The following LETMD1 variants were observed in gnomAD, a reference collection of about 807,000 sequenced individuals.
LETMD1 encodes the protein LETM1 domain containing 1, also known as LETM1 domain-containing protein 1.
LETMD1 carries 30 observed loss-of-function variants against 43.9 expected under a neutral mutation model. That is an observed-to-expected ratio of 0.68 (90% CI 0.51 to 0.93). The LOEUF is 0.93. LETMD1 is among the 40% of genes least tolerant of loss of function. LETMD1 has a pLI of 0.00. For missense variants in LETMD1, 413 were observed against 447.7 expected (o/e 0.92, Z 0.70); for synonymous variants, 176 against 163.1 (o/e 1.08, Z -0.60).
chr12:51,048,694 G>A (rs1191417819), intron 1 of LETMD1: 8 of 634,612 alleles, frequency 1.3e-5, no homozygotes. Flanking sequence ...TTCCCCGCGT[G>A]TCCTGAGCTC....
rs1285483452 is a variant in LETMD1 at position 51,060,355 on chromosome 12, T to A, written c.*924T>A. The stretch of plus-strand genomic sequence containing the variant: ...AGTGACTTAGAGTTCTGTAATAACT[T>A]ATTGTAAATGCATGAAGCACTGTTT... On this transcript the variant is annotated 3_prime_UTR_variant, in exon 9 of 9. Transcript: ENST00000262055. The A allele has an allele frequency of 6.6e-6, 1 of 152,422 alleles. No individual in the cohort carries two copies. Among genetic ancestry groups the A allele is most frequent in the Non-Finnish European group, 1.5e-5 (1 of 68,052 alleles). The allele number at this position is 152,422 out of a possible 1,614,324, so 9.4% of individuals were successfully genotyped here. A position where few individuals can be genotyped will look rare whatever the true frequency, so the allele number is the denominator to read the frequency against.
the LETMD1 span, among the ~76,000 whole-genome samples, chr12:51,065,759 A>AGGG: frequency 6.6e-6 from 1 of 152,274 alleles, no homozygotes; most frequent in Admixed American, 6.5e-5. Context: ...TGCCAGGCCC[A>AGGG]GCTGCATCAA....
downstream of LETMD1, chr12:51,062,261 C>G (rs1215779712): frequency 2.0e-5 from 3 of 152,166 alleles, no homozygotes; most frequent in South Asian, 4.1e-4. Flanking sequence ...GTGTCTCCCC[C>G]CCAACACAGT....
chr12:51,064,540 T>TCTCCAG (rs771401904), downstream of LETMD1: 2 of 1,613,344 alleles, frequency 1.2e-6, no homozygotes, highest in South Asian at 2.2e-5. Context: ...TGCCGCTTGC[T>TCTCCAG]CTCCAGCTCC....
chr12:51,050,219 C>G (rs1308549617), intron 2 of LETMD1, among the ~76,000 whole-genome samples: 2 of 144,930 alleles, frequency 1.4e-5, no homozygotes, highest in African/African-American at 5.1e-5. Context: ...TGTTTTTAAA[C>G]TTTTTATTAT....
intron 4 of LETMD1, 45 bp downstream of exon 4, chr12:51,053,905 A>T: frequency 1.6e-6 from 2 of 1,264,622 alleles, no homozygotes; most frequent in East Asian, 2.3e-5. Context: ...AGATGTATCA[A>T]TTTTTTTAAA....
rs1293550675 is a variant in LETMD1, at chr12:51,055,880, A to G, written c.519A>G (p.Pro173=). 6.2e-7 allele frequency: 1 copy of G among 1,613,832 alleles called. No homozygotes were observed. The part of the protein sequence containing the change: ...RQLLIRHFWT[P]KQQTDFLDIY... Reference sequence around the variant, plus strand: ...TACTGATCAGGCATTTCTGGACCCCAAAACAACAAACTGATTTCTTAGATA... The same window carrying G: ...TACTGATCAGGCATTTCTGGACCCCGAAACAACAAACTGATTTCTTAGATA... The change falls in exon 5 of 9, where the codon CCA becomes CCG. Residue 173 remains proline (P), a synonymous_variant. Coordinates refer to ENST00000262055, the MANE Select transcript of LETMD1 (RefSeq NM_015416.5).
chr12:51,058,200 G>C (rs1233471503), intron 8 of LETMD1, 72 bp downstream of exon 8: 2 of 980,992 alleles, frequency 2.0e-6, no homozygotes, highest in Non-Finnish European at 3.3e-6. Context: ...GGTCATTTTG[G>C]AGTTAATTAT....
intron 8 of LETMD1, 61 bp downstream of exon 8, chr12:51,058,189 A>C (rs1948280023): frequency 9.2e-7 from 1 of 1,088,070 alleles, no homozygotes; most frequent in Admixed American, 1.7e-5. Context: ...TTTTATTCTG[A>C]GGTCATTTTG....
At chr12:51,053,996 C>A in intron 4 of LETMD1, 136 bp downstream of exon 4, 4 of 693,648 alleles carry the variant, frequency 5.8e-6, no homozygotes, top group African/African-American at 1.8e-5. Flanking sequence ...CTCATTATTC[C>A]AAGGTTCATA....
downstream of LETMD1, chr12:51,064,020 G>C (rs779022731): frequency 1.2e-6 from 2 of 1,614,250 alleles, no homozygotes; most frequent in East Asian, 2.2e-5. Context: ...AACAGGGAGA[G>C]AGAAGACATT....
Position 51,048,457 on chromosome 12 carries a change from G to A in LETMD1, c.101G>A (p.Gly34Asp), listed in dbSNP as rs757318341. 1.2e-5 allele frequency: 19 copies of A among 1,613,796 alleles called. No homozygotes were observed. In the East Asian group the frequency reaches 4.0e-4, roughly 34 times the overall value. ...VTRRLQLGRS[G>D]LAWGAPRSSK... Reference sequence around the variant, plus strand: ...CGGAGGCTGCAACTTGGTCGCTCTGGCCTGGCTTGGGGGGCCCCTCGGTGA... The same window carrying A: ...CGGAGGCTGCAACTTGGTCGCTCTGACCTGGCTTGGGGGGCCCCTCGGTGA... Residue 34 changes from glycine (G) to aspartate (D), a missense_variant, in exon 1 of 9, where the codon GGC becomes GAC. Physicochemically the swap from Gly to Asp is moderately conservative, Grantham distance 94 (BLOSUM62 -1). Coordinates refer to ENST00000262055, the MANE Select transcript of LETMD1 (RefSeq NM_015416.5).
chr12:51,051,989 A>G, intron 2 of LETMD1, 103 bp from the exon 3 acceptor site: 2 of 936,566 alleles, frequency 2.1e-6, no homozygotes, highest in Non-Finnish European at 3.2e-6. Flanking sequence ...ATCGTTGGGG[A>G]GGGGTGAGAG....
At chr12:51,063,124 C>T (rs982487106), downstream of LETMD1, 1 of 152,218 alleles carries the variant, frequency 6.6e-6, no homozygotes, top group Middle Eastern at 3.4e-3. Context: ...CCAGGAATCC[C>T]CAGTGTGGGG....
At chr12:51,048,550 C>A in intron 1 of LETMD1, 72 bp downstream of exon 1, 3 of 1,571,830 alleles carry the variant, frequency 1.9e-6, no homozygotes, top group South Asian at 1.1e-5. Flanking sequence ...TGCTTGCATT[C>A]TGTCTCTTAA....
chr12:51,065,025 G>C (rs931720340), downstream of LETMD1, among the ~76,000 whole-genome samples: 1 of 152,206 alleles, frequency 6.6e-6, no homozygotes, highest in Non-Finnish European at 1.5e-5. Flanking sequence ...AGTTTTCACA[G>C]AGGAAATTTA....
the LETMD1 span, among the ~76,000 whole-genome samples, chr12:51,066,297 A>G: frequency 6.6e-6 from 1 of 151,920 alleles, no homozygotes; most frequent in Non-Finnish European, 1.5e-5. Flanking sequence ...TACTAAAAAT[A>G]CAAAAATTAG....
In LETMD1 at chr12:51,048,477, C is replaced by T. The variant is rs1440634026; in HGVS notation, c.121C>T (p.Arg41Trp). 1 of 1,613,224 alleles carries T rather than the reference C, an allele frequency of 6.2e-7. No homozygotes were observed. The change falls in exon 1 of 9, where the codon CGG (arginine) becomes TGG (tryptophan). Residue 41 changes from arginine (R) to tryptophan (W), a missense_variant and splice_region_variant. Coordinates refer to ENST00000262055, the MANE Select transcript of LETMD1 (RefSeq NM_015416.5). ...GRSGLAWGAP[R>W]SSKLHLSPKA... ...CTCTGGCCTGGCTTGGGGGGCCCCT[C>T]GGTGAGGGACCTGTAGCGAGAAAAG... is the stretch of plus-strand genomic sequence containing the variant.
At chr12:51,054,150 CGA>C in intron 4 of LETMD1, among the ~76,000 whole-genome samples, 1 of 151,866 alleles carries the variant, frequency 6.6e-6, no homozygotes, top group East Asian at 1.9e-4. Flanking sequence ...GCTCTCTCCC[CGA>C]GAGAGAGTAC....
Sources: allele counts gnomAD v4.1 joint callset (sites outside exome capture counted in the v4.1 genomes callset), GRCh38; gene constraint gnomAD v4.1.1; transcripts MANE v1.5; gene names NCBI Gene and HGNC (gene_info 2026-07-23, HGNC 2026-07-21).